ARHGAP35: variants seen among roughly 807,000 people sequenced by gnomAD.
The protein encoded by ARHGAP35 is Rho GTPase activating protein 35, also known as rho GTPase-activating protein 35.
ARHGAP35 carries 15 observed loss-of-function variants against 111.1 expected under a neutral mutation model. The observed-to-expected ratio is 0.13, with a 90% CI of 0.09 to 0.21. The LOEUF (loss-of-function observed/expected upper bound fraction) is 0.21, where lower values mean the gene tolerates loss of function less well. Among genes scored for constraint, ARHGAP35 ranks in the 10% least tolerant of loss-of-function variants. ARHGAP35 has a pLI of 1.00. For synonymous variants in ARHGAP35, 643 were observed against 710.3 expected (o/e 0.91, Z 1.51); for missense variants, 1,262 against 1,873.0 (o/e 0.67, Z 6.02).
chr19:46,950,296 AT>A (rs1449442794), intron 3 of ARHGAP35, among the ~76,000 whole-genome samples: 2 of 152,210 alleles, frequency 1.3e-5, no homozygotes, highest in Admixed American at 6.5e-5. Context: ...TCATGTGAAT[AT>A]TCCACAATTT....
At chr19:46,941,469 G>A (rs1375556609) in intron 3 of ARHGAP35, among the ~76,000 whole-genome samples, 2 of 151,890 alleles carry the variant, frequency 1.3e-5, no homozygotes, top group African/African-American at 2.4e-5. Flanking sequence ...CCTGGAGGCC[G>A]AGGTGGGAGA....
At position 46,918,167 on chromosome 19, in the gene ARHGAP35, A is replaced by T. The variant is rs983113506; in HGVS notation, c.-188-321A>T. 4.6e-5 allele frequency among the ~76,000 whole-genome samples: 7 copies of T among 152,020 alleles called. No individual in the cohort carries two copies. The highest frequency in any genetic ancestry group is 1.7e-4 in the African/African-American group (7 of 41,356). On this transcript the variant is annotated intron_variant, in intron 1 of 6. Transcript: ENST00000672722. This position sits in a 1 kb window ranked among gnomAD's most constrained non-coding sequence, Gnocchi z 5.4. ...ATCGTTTTTTTTCTTGCATAAAAAG[A>T]TGTTCCAGGCTCATTTTGTCCCTAT...
At chr19:46,951,345 C>T (rs910514904) in intron 3 of ARHGAP35, among the ~76,000 whole-genome samples, 9 of 152,124 alleles carry the variant, frequency 5.9e-5, no homozygotes, top group Non-Finnish European at 1.0e-4. Flanking sequence ...GCAGCTGTAC[C>T]GAAAGGAACT....
intron 1 of ARHGAP35, among the ~76,000 whole-genome samples, chr19:46,889,269 TC>T (rs1162234924): frequency 1.6e-4 from 24 of 151,986 alleles, no homozygotes; most frequent in Admixed American, 1.3e-3. Flanking sequence ...ATCAAGACCA[TC>T]CTGGCCGACA....
chr19:46,905,166 C>G (rs1179420872), intron 1 of ARHGAP35, among the ~76,000 whole-genome samples: 4 of 152,154 alleles, frequency 2.6e-5, no homozygotes, highest in Non-Finnish European at 5.9e-5. Flanking sequence ...CACCAAATGT[C>G]TGAGCATTAA....
chr19:46,884,342 C>A (rs2055981667), intron 1 of ARHGAP35, among the ~76,000 whole-genome samples: 1 of 152,058 alleles, frequency 6.6e-6, no homozygotes, highest in African/African-American at 2.4e-5. Flanking sequence ...AAGGATATCC[C>A]TTCCCAAGGA....
chr19:47,002,441 C>G lies in ARHGAP35; in HGVS notation c.*1753C>G, dbSNP rs1481169322. 1 of 152,400 alleles carries G rather than the reference C, an allele frequency of 6.6e-6. No homozygotes were observed. Among genetic ancestry groups the G allele is most frequent in the Middle Eastern group, 3.4e-3 (1 of 294 alleles). The allele number at this position is 152,400 out of a possible 1,614,324, so 9.4% of individuals were successfully genotyped here. On this transcript the variant is annotated 3_prime_UTR_variant, in exon 7 of 7. Coordinates refer to ENST00000672722, the MANE Select transcript of ARHGAP35 (RefSeq NM_004491.5). ...TTACCGCCTTTTGAGGAACACAAAT[C>G]GGAGAACAAACCCAGGGTTCAGGCG...
intron 1 of ARHGAP35, among the ~76,000 whole-genome samples, chr19:46,887,119 G>A (rs1229335492): frequency 1.3e-5 from 2 of 151,864 alleles, no homozygotes; most frequent in Non-Finnish European, 1.5e-5. Context: ...CCTAACAGTT[G>A]TTTGTACTCC....
Position 46,905,135 on chromosome 19 carries a change from G to T in ARHGAP35, c.-188-13353G>T, listed in dbSNP as rs190404413. Among the ~76,000 whole-genome samples the T allele has an allele frequency of 9.9e-5, 15 of 152,270 alleles. 1 individual carries two copies. Among genetic ancestry groups the T allele is most frequent in the African/African-American group, 3.6e-4 (15 of 41,542 alleles). On this transcript the variant is annotated intron_variant, in intron 1 of 6. Coordinates refer to ENST00000672722, the MANE Select transcript of ARHGAP35 (RefSeq NM_004491.5). ...AGGCTCTTTCTGATTCTTGTCTCCTGGCCTAGCTTGGAAATTAGAACACCA... is the reference window on the plus strand; with the variant it reads ...AGGCTCTTTCTGATTCTTGTCTCCTTGCCTAGCTTGGAAATTAGAACACCA...
At position 47,000,304 on chromosome 19, in the gene ARHGAP35, G is replaced by A; in HGVS notation, c.4143-27G>A. ...GCCAGGTGGGGCCCTGCACAGTTCT[G>A]ACCATTGAGTTTGGTGTCGCCCGCA... On this transcript the variant is annotated intron_variant, in intron 6 of 6. Coordinates refer to ENST00000672722, the MANE Select transcript of ARHGAP35 (RefSeq NM_004491.5). The surrounding 1 kb of genome is among the most constrained non-coding windows in gnomAD (Gnocchi z 6.9). The A allele has an allele frequency of 6.2e-7, 1 of 1,609,100 alleles. No individual in the cohort carries two copies.
chr19:46,930,380 G>A (rs778611778), intron 2 of ARHGAP35, among the ~76,000 whole-genome samples: 18 of 148,542 alleles, frequency 1.2e-4, no homozygotes, highest in Admixed American at 6.8e-4. Flanking sequence ...CTAGAAAACC[G>A]AGTTCCGATG....
At chr19:46,889,683 G>A (rs895940535) in intron 1 of ARHGAP35, among the ~76,000 whole-genome samples, 1 of 150,114 alleles carries the variant, frequency 6.7e-6, no homozygotes, top group African/African-American at 2.5e-5. Flanking sequence ...GAGGCCATTC[G>A]GAGCTTGCAG....
chr19:46,914,003 C>T (rs2056151643), intron 1 of ARHGAP35, among the ~76,000 whole-genome samples: 1 of 152,020 alleles, frequency 6.6e-6, no homozygotes, highest in Admixed American at 6.5e-5. Context: ...TTTTTTTACC[C>T]ACCTCTTAGA....
rs1391869784 is a variant in ARHGAP35 at position 47,001,305 on chromosome 19, C to G, written c.*617C>G. ...GCCTGGACCCAGAGAGTGTGGGACT[C>G]CCCGCTTCATCCCCACCGTCCCACT... On this transcript the variant is annotated 3_prime_UTR_variant, in exon 7 of 7. Coordinates refer to ENST00000672722, the MANE Select transcript of ARHGAP35 (RefSeq NM_004491.5). This position sits in a 1 kb window ranked among gnomAD's most constrained non-coding sequence, Gnocchi z 5.4. 1.5e-6 allele frequency: 2 copies of G among 1,290,380 alleles called. No homozygotes were observed. The highest frequency in any genetic ancestry group is 1.5e-5 in the African/African-American group (1 of 65,986). The allele number at this position is 1,290,380 out of a possible 1,614,324, so 79.9% of individuals were successfully genotyped here.
intron 1 of ARHGAP35, among the ~76,000 whole-genome samples, chr19:46,868,893 ATTTTTT>A (rs59080309): frequency 5.5e-4 from 32 of 58,702 alleles, no homozygotes; most frequent in African/African-American, 8.3e-4. Context: ...GCTCACCGTG[ATTTTTT>A]TTTTTTTTTT....
chr19:46,888,317 T>A lies in ARHGAP35; in HGVS notation c.-189+27108T>A, dbSNP rs549901400. 4.8e-3 allele frequency among the ~76,000 whole-genome samples: 258 copies of A among 53,274 alleles called. 3 individuals are homozygous for A. The highest frequency in any genetic ancestry group is 8.6e-3 in the African/African-American group (110 of 12,738). 34.9% of individuals were successfully genotyped at this position (53,274 alleles called of 152,430 possible). A position where few individuals can be genotyped will look rare whatever the true frequency, so the allele number is the denominator to read the frequency against. ...ATATATATATATATATATATATATA[T>A]AAAATATTGATTTTATACACACACA... On this transcript the variant is annotated intron_variant, in intron 1 of 6. Transcript: ENST00000672722.
In ARHGAP35 at chr19:46,921,274, T is replaced by A; in HGVS notation, c.2599T>A (p.Leu867Met). ...TTATTCAGCCAAACGTAAGGCCTCT[T>A]TGGCTATGTTACGTGCCTTTCTTTG... ...VFYSAKRKAS[L>M]AMLRAFLCEV... Residue 867 changes from leucine to methionine, a missense_variant, in exon 2 of 7, where the codon TTG becomes ATG. Leu to Met is a conservative substitution (Grantham distance 15, BLOSUM62 2). Around this residue, in one of 8 missense-constraint regions of ARHGAP35, gnomAD observed 579 missense variants for 716.9 expected, o/e 0.81. Transcript: ENST00000672722. This position sits in a 1 kb window ranked among gnomAD's most constrained non-coding sequence, Gnocchi z 4.3. The A allele has an allele frequency of 1.9e-6, 3 of 1,614,048 alleles. No individual in the cohort carries two copies. The highest frequency in any genetic ancestry group is 2.5e-6 in the Non-Finnish European group (3 of 1,179,906).
intron 1 of ARHGAP35, among the ~76,000 whole-genome samples, chr19:46,872,697 G>A (rs867141816): frequency 2.6e-4 from 40 of 151,938 alleles, no homozygotes; most frequent in Admixed American, 5.9e-4. Context: ...TGGCTAACAC[G>A]GTGAAACTCC....
chr19:46,903,957 A>C (rs1294371188), intron 1 of ARHGAP35, among the ~76,000 whole-genome samples: 1 of 151,704 alleles, frequency 6.6e-6, no homozygotes, highest in Non-Finnish European at 1.5e-5. Context: ...TAGGTGCCAT[A>C]TAGAACATAC....
Sources: gnomAD v4.1 joint callset for allele counts (sites outside exome capture counted in the v4.1 genomes callset) on GRCh38, gnomAD v4.1.1 for gene constraint, gnomAD v4.1.1 regional missense constraint, Gnocchi (gnomAD v3.1) non-coding constraint, MANE v1.5 for transcripts, NCBI Gene and HGNC (gene_info 2026-07-23, HGNC 2026-07-21) for gene names.